IPP: variants seen among roughly 807,000 people sequenced by gnomAD.
The protein encoded by IPP is actin-binding protein IPP.
In IPP, 41 loss-of-function variants were observed where a neutral mutation model predicts 64.1. The observed-to-expected ratio is 0.64, with a 90% CI of 0.50 to 0.83. The LOEUF is 0.83. IPP is among the 40% of genes least tolerant of loss of function. The pLI, the probability that IPP is intolerant of heterozygous loss-of-function variation, is 0.00. For synonymous variants in IPP, 214 were observed against 235.2 expected (o/e 0.91, Z 0.83); for missense variants, 649 against 703.0 (o/e 0.92, Z 0.87).
intron 8 of IPP, among the ~76,000 whole-genome samples, chr1:45,709,356 C>A (rs1174674457): frequency 2.8e-5 from 4 of 143,748 alleles, no homozygotes; most frequent in Non-Finnish European, 6.0e-5. Context: ...TGGTGTGAAC[C>A]CGGGAAGCAG....
Position 45,708,306 on chromosome 1 carries a change from T to C in IPP, c.1530+5940A>G, listed in dbSNP as rs556193576. ...CTCTCAATCTCCTGACCTCCTGATC[T>C]GCCCGCCTCGGCCTCCCAAAGTGCT... On this transcript the variant is annotated intron_variant, in intron 8 of 8. Transcript: ENST00000396478. Among the ~76,000 whole-genome samples the C allele has an allele frequency of 5.5e-4, 84 of 151,372 alleles. No homozygotes were observed. The East Asian group carries it at 0.013, about 24-fold the overall frequency.
chr1:45,746,277 C>T lies in IPP; in HGVS notation c.135G>A (p.Gln45=), dbSNP rs775410109. ...CCAGCCGATGAGCTTTAAAACTTTC[C>T]TGTCCAACTTGCAGCTGCACATCAC... is the stretch of plus-strand genomic sequence containing the variant. ...HFCDVQLQVG[Q]ESFKAHRLVL... Residue 45 remains glutamine (Q), a synonymous_variant, in exon 2 of 9, where the codon CAG becomes CAA. Transcript: ENST00000396478. The T allele has an allele frequency of 6.2e-7, 1 of 1,614,230 alleles. No individual in the cohort carries two copies. The highest frequency in any genetic ancestry group is 1.7e-5 in the Admixed American group (1 of 60,030).
At chr1:45,706,483 C>T (rs1569952713) in intron 8 of IPP, among the ~76,000 whole-genome samples, 2 of 152,008 alleles carry the variant, frequency 1.3e-5, no homozygotes, top group Non-Finnish European at 2.9e-5. Flanking sequence ...GAGTTTCACT[C>T]TTGTTGCCCA....
chr1:45,700,203 G>GGA lies in IPP; in HGVS notation c.1531-14_1531-13insTC. The GGA allele has an allele frequency of 6.1e-6, 9 of 1,475,024 alleles. No homozygotes were observed. Among genetic ancestry groups the GGA allele is most frequent in the Non-Finnish European group, 7.3e-6 (8 of 1,090,284 alleles). 91.4% of individuals were successfully genotyped at this position (1,475,024 alleles called of 1,614,324 possible). On this transcript the variant is annotated splice_polypyrimidine_tract_variant and intron_variant, in intron 8 of 8. Coordinates refer to ENST00000396478, the MANE Select transcript of IPP (RefSeq NM_005897.3). ...CAACCCACTTTTCCTGGTTAAGAGA[G>GGA]AAAAAAAAAATATGTTAGCAGTGTT...
intron 8 of IPP, among the ~76,000 whole-genome samples, chr1:45,703,049 A>T (rs1401028821): frequency 6.6e-6 from 1 of 152,064 alleles, no homozygotes; most frequent in Non-Finnish European, 1.5e-5. Flanking sequence ...AAAAAAATGC[A>T]TCTAGTTTTA....
At chr1:45,717,760 G>A (rs901927186) in intron 6 of IPP, among the ~76,000 whole-genome samples, 4 of 152,036 alleles carry the variant, frequency 2.6e-5, no homozygotes, top group Admixed American at 6.6e-5. Flanking sequence ...TGATCCGCCC[G>A]CCTCAGCCTC....
At chr1:45,709,033 C>CAAA (rs71058700) in intron 8 of IPP, among the ~76,000 whole-genome samples, 41 of 57,996 alleles carry the variant, frequency 7.1e-4, no homozygotes, top group African/African-American at 1.4e-3. Flanking sequence ...GACTCCATCT[C>CAAA]AAAAAAAAAA....
intron 3 of IPP, among the ~76,000 whole-genome samples, chr1:45,731,931 C>T (rs1353053416): frequency 1.3e-5 from 2 of 149,050 alleles, no homozygotes; most frequent in African/African-American, 2.5e-5. Context: ...AGCAACACTC[C>T]GTCTCGGGGG....
chr1:45,749,494 GTTTTTT>G (rs200158500), intron 1 of IPP, among the ~76,000 whole-genome samples: 2 of 128,872 alleles, frequency 1.6e-5, no homozygotes, highest in African/African-American at 5.7e-5. Context: ...TTGATTTTTT[GTTTTTT>G]TTTTTTGTTT....
intron 4 of IPP, among the ~76,000 whole-genome samples, chr1:45,728,439 A>G (rs1292963977): frequency 6.6e-6 from 1 of 152,004 alleles, no homozygotes; most frequent in Non-Finnish European, 1.5e-5. Flanking sequence ...GATCTGGACT[A>G]TATGTATCAA....
Position 45,719,264 on chromosome 1 carries a change from C to A in IPP, c.1125G>T (p.Ser375=). The A allele has an allele frequency of 6.2e-7, 1 of 1,613,714 alleles. No individual in the cohort carries two copies. The highest frequency in any genetic ancestry group is 1.1e-5 in the South Asian group (1 of 91,048). Residue 375 remains serine, a synonymous_variant, in exon 6 of 9, where the codon TCG becomes TCT. Coordinates refer to ENST00000396478, the MANE Select transcript of IPP (RefSeq NM_005897.3). ...CTAAGCCGCAGCGGGGATGATTCAT[C>A]GAAGCTACAGTTGTCCACTGTTTAG... ...PVTKQWTTVA[S]MNHPRCGLGV... is the part of the protein sequence containing the mutation.
At chr1:45,724,404 G>A (rs1645778019) in intron 5 of IPP, among the ~76,000 whole-genome samples, 2 of 151,046 alleles carry the variant, frequency 1.3e-5, no homozygotes, top group African/African-American at 4.9e-5. Context: ...CCGCCACCCC[G>A]TCTGGGAAGT....
rs1241976260 is a variant in IPP at position 45,698,779 on chromosome 1, C to G, written c.*1187G>C. The stretch of plus-strand genomic sequence containing the variant: ...TGTCACCCAGGCCGGTGTGCAGTGG[C>G]ACAATCTTGGCTCACTGCAGCCTTG... On this transcript the variant is annotated 3_prime_UTR_variant, in exon 9 of 9. Coordinates refer to ENST00000396478, the MANE Select transcript of IPP (RefSeq NM_005897.3). The G allele has an allele frequency of 5.1e-6, 3 of 592,580 alleles. No individual in the cohort carries two copies. Among genetic ancestry groups the G allele is most frequent in the Non-Finnish European group, 6.3e-6 (3 of 478,884 alleles). The allele number at this position is 592,580 out of a possible 1,614,324, so 36.7% of individuals were successfully genotyped here.
At chr1:45,747,105 TGCGCGCGCACACGAGC>T (rs1053647353) in intron 1 of IPP, among the ~76,000 whole-genome samples, 22 of 148,818 alleles carry the variant, frequency 1.5e-4, no homozygotes, top group Non-Finnish European at 2.2e-4. Context: ...AGTGCGCGCA[TGCGCGCGCACACGAGC>T]GCGCGCGCGC....
At chr1:45,695,506 T>G (rs1418920570), downstream of IPP, among the ~76,000 whole-genome samples, 5 of 152,086 alleles carry the variant, frequency 3.3e-5, no homozygotes, top group Admixed American at 2.0e-4. Flanking sequence ...AGATTTTCAC[T>G]TGAAAACGTA....
intron 8 of IPP, among the ~76,000 whole-genome samples, chr1:45,708,205 C>T (rs1390932874): frequency 6.6e-6 from 1 of 151,674 alleles, no homozygotes; most frequent in Non-Finnish European, 1.5e-5. Flanking sequence ...GCTAGGACTA[C>T]AGACGCCAGC....
intron 5 of IPP, among the ~76,000 whole-genome samples, chr1:45,727,145 G>T (rs1222497867): frequency 6.6e-6 from 1 of 152,044 alleles, no homozygotes; most frequent in Non-Finnish European, 1.5e-5. Context: ...TGCCTCCTGG[G>T]CTCAAGCAAT....
intron 1 of IPP, among the ~76,000 whole-genome samples, chr1:45,747,644 A>G (rs1437509994): frequency 6.6e-6 from 1 of 152,070 alleles, no homozygotes; most frequent in Non-Finnish European, 1.5e-5. Context: ...CCTGACCAAC[A>G]TGACAAAACC....
intron 8 of IPP, among the ~76,000 whole-genome samples, chr1:45,708,360 A>G (rs1010953897): frequency 2.1e-5 from 3 of 144,928 alleles, no homozygotes; most frequent in Non-Finnish European, 3.0e-5. Flanking sequence ...CACCGCGCCC[A>G]GCCCAGGGTG....
Sources: gnomAD v4.1 joint callset for allele counts (sites outside exome capture counted in the v4.1 genomes callset) on GRCh38, gnomAD v4.1.1 for gene constraint, MANE v1.5 for transcripts, NCBI Gene and HGNC (gene_info 2026-07-23, HGNC 2026-07-21) for gene names.